FBXO25: variants seen among roughly 807,000 people sequenced by gnomAD.
FBXO25 encodes F-box only protein 25.
Under a neutral mutation model 51.9 loss-of-function variants are expected in FBXO25, and 45 were observed. The observed-to-expected ratio is 0.87, with a 90% CI of 0.68 to 1.11. The LOEUF (loss-of-function observed/expected upper bound fraction) is 1.11, where lower values mean the gene tolerates loss of function less well. Ranked by LOEUF, FBXO25 falls within the 50% of genes most tolerant of loss-of-function variation. The pLI, the probability that FBXO25 is intolerant of heterozygous loss-of-function variation, is 0.00. For synonymous variants in FBXO25, 199 were observed against 151.0 expected (o/e 1.32, Z -2.33); for missense variants, 507 against 428.5 (o/e 1.18, Z -1.62).
chr8:466,088 T>C (rs1441033009), intron 9 of FBXO25, among the ~76,000 whole-genome samples: 2 of 152,224 alleles, frequency 1.3e-5, no homozygotes, highest in African/African-American at 4.8e-5. Flanking sequence ...TCACAGCTTC[T>C]CCCACTGAAT....
At position 420,737 on chromosome 8, in the gene FBXO25, A is replaced by G. The variant is rs751278528; in HGVS notation, c.134+7524A>G. 5.9e-5 allele frequency among the ~76,000 whole-genome samples: 9 copies of G among 152,358 alleles called. No homozygotes were observed. The Middle Eastern group carries it at 0.01, about 173-fold the overall frequency. ...AGGATGCGCTAGAAAAAGCACAACCATAAGGAAGACGAACAAATCAGTGGT... is the reference window on the plus strand; with the variant it reads ...AGGATGCGCTAGAAAAAGCACAACCGTAAGGAAGACGAACAAATCAGTGGT... On this transcript the variant is annotated intron_variant, in intron 2 of 9. Transcript: ENST00000350302.
At chr8:464,089 C>G (rs911611405) in intron 9 of FBXO25, among the ~76,000 whole-genome samples, 3 of 152,200 alleles carry the variant, frequency 2.0e-5, no homozygotes, top group African/African-American at 7.2e-5. Flanking sequence ...CCACCTCAGC[C>G]TCCTGAGTAG....
At chr8:448,708 G>A (rs1224827471) in intron 5 of FBXO25, among the ~76,000 whole-genome samples, 2 of 152,200 alleles carry the variant, frequency 1.3e-5, no homozygotes, top group East Asian at 3.9e-4. Context: ...GGTGGTTAGA[G>A]GTTTGTTGAC....
intron 5 of FBXO25, among the ~76,000 whole-genome samples, chr8:445,466 C>A (rs980924213): frequency 6.6e-6 from 1 of 152,048 alleles, no homozygotes; most frequent in South Asian, 2.1e-4. Context: ...TACTGAGGAC[C>A]CCAAAGAGAT....
intron 5 of FBXO25, among the ~76,000 whole-genome samples, chr8:441,908 G>T (rs1266106910): frequency 6.6e-6 from 1 of 152,192 alleles, no homozygotes; most frequent in Non-Finnish European, 1.5e-5. Flanking sequence ...TACACTGTTG[G>T]TGGGAGTATA....
intron 7 of FBXO25, among the ~76,000 whole-genome samples, chr8:453,548 A>T (rs1033175891): frequency 3.9e-5 from 6 of 152,160 alleles, no homozygotes; most frequent in Admixed American, 6.5e-5. Flanking sequence ...TGCCGGACTC[A>T]GTCAGCCAAA....
intron 2 of FBXO25, among the ~76,000 whole-genome samples, chr8:415,793 A>G (rs568780813): frequency 6.6e-6 from 1 of 152,294 alleles, no homozygotes; most frequent in African/African-American, 2.4e-5. Context: ...TGATGACAGA[A>G]ATTGTATGAT....
chr8:422,218 G>A (rs1456291407), intron 2 of FBXO25, among the ~76,000 whole-genome samples: 4 of 152,336 alleles, frequency 2.6e-5, no homozygotes, highest in African/African-American at 9.6e-5. Context: ...GGCAGACACT[G>A]CCCCAACCAA....
chr8:413,859 A>G (rs981147899), intron 2 of FBXO25, among the ~76,000 whole-genome samples: 2 of 152,180 alleles, frequency 1.3e-5, no homozygotes, highest in East Asian at 1.9e-4. Context: ...TGGCCCAGCC[A>G]TGTGTCCAGA....
rs1800285783 is a variant in FBXO25 at position 467,892 on chromosome 8, G to A, written c.988-823G>A. On this transcript the variant is annotated intron_variant, in intron 9 of 9. Transcript: ENST00000350302. ...TTCTCAGGACCCTGAGCAGGGCTGAGTGGCCACTTTGATCAAACACCTCAG... is the reference window on the plus strand; with the variant it reads ...TTCTCAGGACCCTGAGCAGGGCTGAATGGCCACTTTGATCAAACACCTCAG... 2.6e-6 allele frequency: 4 copies of A among 1,522,402 alleles called. No homozygotes were observed. In the Admixed American group the frequency reaches 8.5e-5, roughly 32 times the overall value. 94.3% of individuals were successfully genotyped at this position (1,522,402 alleles called of 1,614,324 possible).
rs1235204764 is a variant in FBXO25 at position 413,154 on chromosome 8, T to G, written c.75T>G (p.Cys25Trp). The G allele has an allele frequency of 6.2e-7, 1 of 1,611,614 alleles. No individual in the cohort carries two copies. Among genetic ancestry groups the G allele is most frequent in the South Asian group, 1.1e-5 (1 of 90,566 alleles). ...WIKTEDGWKRCESCSQKLERE... is the reference protein window; with the variant it reads ...WIKTEDGWKRWESCSQKLERE... ...AGACAGAAGATGGCTGGAAGAGATG[T>G]GAATCTTGTAGTCAGAAACTTGAAA... The change falls in exon 2 of 10, where the codon TGT becomes TGG. Residue 25 changes from cysteine to tryptophan, a missense_variant. Coordinates refer to ENST00000350302, the MANE Select transcript of FBXO25 (RefSeq NM_183420.2).
intron 7 of FBXO25, among the ~76,000 whole-genome samples, chr8:457,135 C>T (rs766044182): frequency 7.2e-5 from 11 of 152,188 alleles, no homozygotes; most frequent in African/African-American, 1.2e-4. Context: ...AAATCAGAAG[C>T]TCGCAGGTGA....
At chr8:409,773 T>C (rs1317790282) in intron 1 of FBXO25, among the ~76,000 whole-genome samples, 1 of 152,146 alleles carries the variant, frequency 6.6e-6, no homozygotes, top group Non-Finnish European at 1.5e-5. Flanking sequence ...TTTCATTTGA[T>C]CTATCCTACA....
Position 443,568 on chromosome 8 carries a change from A to G in FBXO25, c.382-6422A>G, listed in dbSNP as rs573686321. On this transcript the variant is annotated intron_variant, in intron 5 of 9. Coordinates refer to ENST00000350302, the MANE Select transcript of FBXO25 (RefSeq NM_183420.2). ...AAGGGACAACCCCAAAAATAGAATG[A>G]CTTCTCACAGACCACTGCTTGAGCA... Among the ~76,000 whole-genome samples the G allele has an allele frequency of 4.0e-4, 61 of 150,938 alleles. 2 individuals are homozygous for G. Among genetic ancestry groups the G allele is most frequent in the Non-Finnish European group, 8.0e-4 (54 of 67,692 alleles).
At chr8:463,313 T>G (rs1338751561) in intron 9 of FBXO25, among the ~76,000 whole-genome samples, 163 bp downstream of exon 9, 1 of 152,214 alleles carries the variant, frequency 6.6e-6, no homozygotes, top group Admixed American at 6.5e-5. Context: ...GAACAGATGT[T>G]CATTCAATGT....
chr8:454,975 C>G (rs1039724822), intron 7 of FBXO25, among the ~76,000 whole-genome samples: 1 of 151,892 alleles, frequency 6.6e-6, no homozygotes, highest in Non-Finnish European at 1.5e-5. Flanking sequence ...ACAACTGGCT[C>G]TCCAGGGGCA....
At chr8:464,181 C>G (rs535283241) in intron 9 of FBXO25, among the ~76,000 whole-genome samples, 40 of 152,290 alleles carry the variant, frequency 2.6e-4, no homozygotes, top group Non-Finnish European at 4.9e-4. Flanking sequence ...TCAAAACTCC[C>G]AAGCTCAAGC....
intron 9 of FBXO25, among the ~76,000 whole-genome samples, chr8:465,108 G>C (rs545183171): frequency 1.5e-4 from 23 of 152,320 alleles, no homozygotes; most frequent in African/African-American, 5.3e-4. Context: ...GCCACAGGCA[G>C]ATGCTTGTGG....
chr8:447,893 G>C (rs529059637), intron 5 of FBXO25, among the ~76,000 whole-genome samples: 1 of 152,160 alleles, frequency 6.6e-6, no homozygotes, highest in East Asian at 1.9e-4. Context: ...AACCAAGTGA[G>C]ACAGCAGGAG....
Sources: allele counts gnomAD v4.1 joint callset (sites outside exome capture counted in the v4.1 genomes callset), GRCh38; gene constraint gnomAD v4.1.1; transcripts MANE v1.5; gene names NCBI Gene and HGNC (gene_info 2026-07-23, HGNC 2026-07-21).